Variants in ZMYM4 observed in about 807,000 individuals in gnomAD.
ZMYM4 encodes zinc finger MYM-type containing 4, also known as zinc finger MYM-type protein 4.
ZMYM4 carries 31 observed loss-of-function variants against 183.2 expected under a neutral mutation model. The observed-to-expected ratio is 0.17, with a 90% confidence interval of 0.13 to 0.23. The LOEUF (loss-of-function observed/expected upper bound fraction) is 0.23. Among genes scored for constraint, ZMYM4 ranks in the 10% least tolerant of loss-of-function variants. The pLI is 1.00. For missense variants in ZMYM4, 1,273 were observed against 1,840.3 expected (o/e 0.69, Z 5.64); for synonymous variants, 592 against 631.2 (o/e 0.94, Z 0.93).
Position 35,393,929 on chromosome 1 carries a change from A to C in ZMYM4, c.2911+190A>C, listed in dbSNP as rs562463297. On this transcript the variant is annotated intron_variant, in intron 18 of 29. Coordinates refer to ENST00000314607, the MANE Select transcript of ZMYM4 (RefSeq NM_005095.3). ...TCTGAGGCTTAACAAGTTGGGTCAA[A>C]GAGAAGGAAGTTAATCAGTGATACC... Among the ~76,000 whole-genome samples the C allele has an allele frequency of 3.2e-4, 49 of 152,284 alleles. 1 individual carries two copies. Among genetic ancestry groups the C allele is most frequent in the African/African-American group, 1.2e-3 (49 of 41,572 alleles).
At chr1:35,408,965 A>G (rs774329841) in intron 26 of ZMYM4, among the ~76,000 whole-genome samples, 2 of 152,162 alleles carry the variant, frequency 1.3e-5, no homozygotes, top group Non-Finnish European at 1.5e-5. Flanking sequence ...CCTGGCAACC[A>G]TAAATCTGCT....
At chr1:35,315,747 A>G (rs1230431689) in intron 1 of ZMYM4, among the ~76,000 whole-genome samples, 1 of 152,080 alleles carries the variant, frequency 6.6e-6, no homozygotes, top group African/African-American at 2.4e-5. Flanking sequence ...AGAATTGGCA[A>G]CAGTGAGACC....
chr1:35,403,033 AG>A (rs1448267720), intron 23 of ZMYM4, among the ~76,000 whole-genome samples: 10 of 152,194 alleles, frequency 6.6e-5, no homozygotes, highest in Non-Finnish European at 1.3e-4. Flanking sequence ...AGGTTGAAGA[AG>A]TTCCCCTTCT....
intron 28 of ZMYM4, among the ~76,000 whole-genome samples, chr1:35,415,994 A>C (rs1278825540): frequency 1.3e-5 from 2 of 152,238 alleles, no homozygotes. Flanking sequence ...GGAAATTAAA[A>C]AATACAAACA....
At chr1:35,343,337 C>A (rs968036784) in intron 2 of ZMYM4, among the ~76,000 whole-genome samples, 2 of 152,070 alleles carry the variant, frequency 1.3e-5, no homozygotes, top group Non-Finnish European at 2.9e-5. Context: ...AGTTGATGAT[C>A]CATTTCAAGT....
chr1:35,380,338 A>AT (rs1644428334), intron 7 of ZMYM4, among the ~76,000 whole-genome samples: 1 of 151,062 alleles, frequency 6.6e-6, no homozygotes, highest in Non-Finnish European at 1.5e-5. Flanking sequence ...TTATTTATTT[A>AT]TTTTTTTGAG....
intron 5 of ZMYM4, 152 bp from the exon 6 acceptor site, chr1:35,369,877 T>A: frequency 2.1e-6 from 1 of 468,152 alleles, no homozygotes; most frequent in Non-Finnish European, 3.7e-6. Flanking sequence ...TTAATTATAG[T>A]TTGCTTGCTG....
intron 20 of ZMYM4, among the ~76,000 whole-genome samples, chr1:35,397,907 GA>G (rs1485033315): frequency 2.0e-5 from 3 of 152,136 alleles, no homozygotes; most frequent in Non-Finnish European, 4.4e-5. Context: ...CCTTAGGATG[GA>G]AAACCATTTG....
In ZMYM4 at chr1:35,420,672, A is replaced by G. The variant is rs1196420992; in HGVS notation, c.*995A>G. On this transcript the variant is annotated 3_prime_UTR_variant, in exon 30 of 30. Coordinates refer to ENST00000314607, the MANE Select transcript of ZMYM4 (RefSeq NM_005095.3). ...GTTTCTGGAGGCCCTTGTCATTTCA[A>G]AAAGGATAGTCTCTTTTCTTACTCT... 2.0e-5 allele frequency: 3 copies of G among 152,630 alleles called. No homozygotes were observed. Among genetic ancestry groups the G allele is most frequent in the South Asian group, 2.1e-4 (1 of 4,832 alleles). The allele number at this position is 152,630 out of a possible 1,614,324, so 9.5% of individuals were successfully genotyped here. A position where few individuals can be genotyped will look rare whatever the true frequency, so the allele number is the denominator to read the frequency against.
intron 1 of ZMYM4, among the ~76,000 whole-genome samples, chr1:35,297,502 AT>A (rs1412006925): frequency 6.6e-6 from 1 of 151,946 alleles, no homozygotes; most frequent in Admixed American, 6.6e-5. Flanking sequence ...ATGTATATAT[AT>A]TTTTAAGGTT....
Position 35,398,421 on chromosome 1 carries a change from A to G in ZMYM4, c.3208A>G (p.Thr1070Ala), listed in dbSNP as rs138094599. Residue 1070 changes from threonine (T) to alanine (A), a missense_variant, in exon 21 of 30, where the codon ACT becomes GCT. Physicochemically the swap from Thr to Ala is moderately conservative, Grantham distance 58 (BLOSUM62 0). Transcript: ENST00000314607. The stretch of plus-strand genomic sequence containing the variant: ...CTTTTCTTTTTCTTTAGAGTCCCAA[A>G]CTTCTGAACACGAACTCTTTCTAGA... Reference protein sequence around the residue: ...KKTLSQGESQTSEHELFLDTK... With the variant: ...KKTLSQGESQASEHELFLDTK... 3 of 1,609,816 alleles carry G rather than the reference A, an allele frequency of 1.9e-6. No individual in the cohort carries two copies. In the African/African-American group the frequency reaches 4.0e-5, roughly 22 times the overall value.
chr1:35,270,709 G>A (rs1639553080), intron 1 of ZMYM4, among the ~76,000 whole-genome samples: 1 of 152,086 alleles, frequency 6.6e-6, no homozygotes, highest in African/African-American at 2.4e-5. Context: ...GCAGGGAGGC[G>A]GTGGTAGCAG....
intron 2 of ZMYM4, among the ~76,000 whole-genome samples, chr1:35,350,463 A>G (rs1037828875): frequency 1.3e-5 from 2 of 151,872 alleles, no homozygotes; most frequent in African/African-American, 4.8e-5. Flanking sequence ...TAATTTTTCT[A>G]TTTTTAGTAA....
At chr1:35,330,861 A>T (rs937802104) in intron 2 of ZMYM4, among the ~76,000 whole-genome samples, 2 of 152,178 alleles carry the variant, frequency 1.3e-5, no homozygotes, top group African/African-American at 4.8e-5. Context: ...GTTCACTTGT[A>T]TCACAGGTTT....
chr1:35,295,716 T>C (rs911223572), intron 1 of ZMYM4, among the ~76,000 whole-genome samples: 1 of 152,206 alleles, frequency 6.6e-6, no homozygotes, highest in Non-Finnish European at 1.5e-5. Flanking sequence ...AGATTTATGG[T>C]ATATACTTGC....
At chr1:35,316,839 A>G (rs918690065) in intron 1 of ZMYM4, among the ~76,000 whole-genome samples, 1 of 152,184 alleles carries the variant, frequency 6.6e-6, no homozygotes, top group African/African-American at 2.4e-5. Context: ...CTATATTGAA[A>G]AAATTCAATT....
intron 9 of ZMYM4, among the ~76,000 whole-genome samples, chr1:35,383,554 A>C (rs1644510969): frequency 6.6e-6 from 1 of 152,214 alleles, no homozygotes; most frequent in East Asian, 1.9e-4. Context: ...TTGTTCTCAA[A>C]GAAAAAAAAA....
intron 7 of ZMYM4, among the ~76,000 whole-genome samples, chr1:35,372,039 G>A (rs1644226274): frequency 2.0e-5 from 3 of 152,108 alleles, no homozygotes; most frequent in Admixed American, 2.0e-4. Context: ...ACATTCTTTT[G>A]AATAGCTTCT....
intron 28 of ZMYM4, among the ~76,000 whole-genome samples, chr1:35,418,214 G>C (rs1467351942): frequency 6.6e-6 from 1 of 152,122 alleles, no homozygotes; most frequent in Non-Finnish European, 1.5e-5. Context: ...TGGTGAGCAG[G>C]GGAGCATAAA....
Sources: allele counts gnomAD v4.1 joint callset (sites outside exome capture counted in the v4.1 genomes callset), GRCh38; gene constraint gnomAD v4.1.1; transcripts MANE v1.5; gene names NCBI Gene and HGNC (gene_info 2026-07-23, HGNC 2026-07-21).